Variants in MMP2 observed in about 807,000 individuals in gnomAD.
MMP2 encodes matrix metallopeptidase 2, also known as 72 kDa type IV collagenase.
MMP2 carries 39 observed loss-of-function variants against 74.8 expected under a neutral mutation model. The ratio of observed to expected loss-of-function variants is 0.52; its 90% confidence interval spans 0.40 to 0.68. The LOEUF is 0.68. Ranked by LOEUF, MMP2 falls within the 30% of genes least tolerant of loss-of-function variation. MMP2 has a pLI of 0.00. For synonymous variants in MMP2, 367 were observed against 339.8 expected (o/e 1.08, Z -0.88); for missense variants, 803 against 878.3 (o/e 0.91, Z 1.08).
chr16:55,502,980 G>A, intron 12 of MMP2, 92 bp downstream of exon 12: 1 of 1,043,708 alleles, frequency 9.6e-7, no homozygotes, highest in South Asian at 1.3e-5. Flanking sequence ...TTATTGTGCA[G>A]GGCAGGCAGG....
At chr16:55,488,895 A>G (rs1237779252) in intron 6 of MMP2, 179 bp downstream of exon 6, 6 of 691,236 alleles carry the variant, frequency 8.7e-6, no homozygotes, top group Non-Finnish European at 1.5e-5. Flanking sequence ...GTCACCTGGT[A>G]TGGCCTGGGC....
intron 1 of MMP2, chr16:55,481,863 G>A: frequency 1.3e-6 from 1 of 764,378 alleles, no homozygotes; most frequent in Non-Finnish European, 2.4e-6. Context: ...AATCTTAGGT[G>A]CTTACCTAGC....
intron 11 of MMP2, among the ~76,000 whole-genome samples, chr16:55,499,605 G>A (rs1282538403): frequency 9.2e-5 from 14 of 152,290 alleles, no homozygotes; most frequent in Middle Eastern, 3.4e-3. Context: ...ATCCAGGAGT[G>A]GCTGGTGAGA....
chr16:55,479,374 G>C lies in MMP2; in HGVS notation c.-106G>C, dbSNP rs534974582. The C allele has an allele frequency of 1.0e-5, 13 of 1,277,302 alleles. No individual in the cohort carries two copies. Among genetic ancestry groups the C allele is most frequent in the Middle Eastern group, 2.9e-4 (1 of 3,480 alleles). 79.1% of individuals were successfully genotyped at this position (1,277,302 alleles called of 1,614,324 possible). On this transcript the variant is annotated 5_prime_UTR_variant, in exon 1 of 13. Transcript: ENST00000219070. ...CAGGCCACCGAGCCAGCGGACCCTC[G>C]GAGCGCAGCCCTGCGCCGCGGAGCA...
chr16:55,490,534 T>C (rs1386395536), intron 7 of MMP2, among the ~76,000 whole-genome samples: 10 of 152,168 alleles, frequency 6.6e-5, no homozygotes, highest in African/African-American at 2.2e-4. Context: ...AGCAGGGTGC[T>C]TGGGGCCCTG....
In MMP2 at chr16:55,485,651, C is replaced by T; in HGVS notation, c.706C>T (p.Pro236Ser). The T allele has an allele frequency of 6.2e-7, 1 of 1,614,142 alleles. No homozygotes were observed. The highest frequency in any genetic ancestry group is 8.5e-7 in the Non-Finnish European group (1 of 1,180,026). ...CGCCGATGGGGAGTACTGCAAGTTCCCCTTCTTGTTCAATGGCAAGGAGTA... is the reference window on the plus strand; with the variant it reads ...CGCCGATGGGGAGTACTGCAAGTTCTCCTTCTTGTTCAATGGCAAGGAGTA... ...GNADGEYCKFPFLFNGKEYNS... is the reference protein window; with the variant it reads ...GNADGEYCKFSFLFNGKEYNS... Residue 236 changes from proline to serine, a missense_variant, in exon 5 of 13, where the codon CCC (proline) becomes TCC (serine). Physicochemically the swap from Pro to Ser is moderately conservative, Grantham distance 74. Around this residue, in one of 3 missense-constraint regions of MMP2, gnomAD observed 555 missense variants for 592.0 expected, o/e 0.94. Transcript: ENST00000219070.
In MMP2 at chr16:55,497,079, C is replaced by T. The variant is rs1330412622; in HGVS notation, c.1609+17C>T. The T allele has an allele frequency of 2.5e-6, 4 of 1,613,846 alleles. No individual in the cohort carries two copies. Among genetic ancestry groups the T allele is most frequent in the Non-Finnish European group, 3.4e-6 (4 of 1,180,002 alleles). ...TCTTTGCAGGTGTGTGGGAAGCACC[C>T]TTCCTTGGCCCTCAGCTCCACAGGG... On this transcript the variant is annotated intron_variant, in intron 10 of 12. Coordinates refer to ENST00000219070, the MANE Select transcript of MMP2 (RefSeq NM_004530.6).
At chr16:55,485,503 G>C (rs1267860127) in intron 4 of MMP2, 76 bp downstream of exon 4, 2 of 1,612,914 alleles carry the variant, frequency 1.2e-6, no homozygotes, top group African/African-American at 2.7e-5. Flanking sequence ...GGACCAGAGA[G>C]GTGGGAGGGG....
chr16:55,502,999 G>T (rs748986351), intron 12 of MMP2, 111 bp downstream of exon 12: 2 of 873,946 alleles, frequency 2.3e-6, no homozygotes, highest in African/African-American at 1.7e-5. Context: ...GGCAGGCGGC[G>T]CCCAGGAAAA....
In MMP2 at chr16:55,488,564, A is replaced by G. The variant is rs1454136853; in HGVS notation, c.854A>G (p.Asn285Ser). The change falls in exon 6 of 13, where the codon AAC becomes AGC. Residue 285 changes from asparagine to serine, a missense_variant. Asn to Ser is a conservative substitution (Grantham distance 46, BLOSUM62 1). This residue lies in a region of MMP2 where 555 missense variants were observed against 592.0 expected (regional missense o/e 0.94). Transcript: ENST00000219070. ...TTAGCCCTGTTCACCATGGGCGGCA[A>G]CGCTGAAGGACAGCCCTGCAAGTTT... ...PHEALFTMGG[N>S]AEGQPCKFPF... is the part of the protein sequence containing the mutation. 15 of 1,613,784 alleles carry G rather than the reference A, an allele frequency of 9.3e-6. No homozygotes were observed. Among genetic ancestry groups the G allele is most frequent in the Middle Eastern group, 1.6e-4 (1 of 6,084 alleles).
At chr16:55,484,640 G>A (rs986483423) in intron 3 of MMP2, among the ~76,000 whole-genome samples, 7 of 152,204 alleles carry the variant, frequency 4.6e-5, no homozygotes, top group Admixed American at 1.3e-4. Context: ...CTGAGGAACT[G>A]TAGATATATG....
intron 5 of MMP2, 174 bp from the exon 6 acceptor site, chr16:55,488,369 G>C (rs999880770): frequency 1.5e-6 from 1 of 669,094 alleles, no homozygotes; most frequent in African/African-American, 1.8e-5. Flanking sequence ...GGAAGCAGGG[G>C]TTCTCTCTGG....
At chr16:55,498,522 G>C in intron 11 of MMP2, 74 bp downstream of exon 11, 1 of 1,599,754 alleles carries the variant, frequency 6.3e-7, no homozygotes, top group Non-Finnish European at 8.6e-7. Context: ...GAGGCTTCAA[G>C]CCTCCTGGGC....
At chr16:55,488,122 A>T (rs1182157804) in intron 5 of MMP2, 14 of 240,560 alleles carry the variant, frequency 5.8e-5, no homozygotes, top group African/African-American at 3.2e-4. Context: ...CCTAGCCTTG[A>T]TTTCTCCACC....
In MMP2 at chr16:55,502,759, C is replaced by T. The variant is rs762041924; in HGVS notation, c.1770-20C>T. The T allele has an allele frequency of 1.0e-5, 16 of 1,602,002 alleles. No individual in the cohort carries two copies. The highest frequency in any genetic ancestry group is 6.6e-5 in the South Asian group (6 of 90,880). On this transcript the variant is annotated intron_variant, in intron 11 of 12. Coordinates refer to ENST00000219070, the MANE Select transcript of MMP2 (RefSeq NM_004530.6). The stretch of plus-strand genomic sequence containing the variant: ...CCTTTAGAGAGGCCCTGCTGGTTCA[C>T]TGTGTCTGTTTCTTTACAGATACAA...
At chr16:55,489,585 T>C in intron 6 of MMP2, 66 bp from the exon 7 acceptor site, 1 of 1,591,278 alleles carries the variant, frequency 6.3e-7, no homozygotes, top group South Asian at 1.1e-5. Context: ...CAGCGTCATG[T>C]CATTGCTTCC....
At chr16:55,482,545 G>C (rs1482679706) in intron 1 of MMP2, among the ~76,000 whole-genome samples, 1 of 152,212 alleles carries the variant, frequency 6.6e-6, no homozygotes, top group East Asian at 1.9e-4. Flanking sequence ...TCGTAAGCAA[G>C]TTTCTTAACC....
At chr16:55,483,974 T>A (rs1384899765) in intron 2 of MMP2, 42 bp from the exon 3 acceptor site, 1 of 1,606,188 alleles carries the variant, frequency 6.2e-7, no homozygotes, top group Non-Finnish European at 8.5e-7. Flanking sequence ...CATACACTTA[T>A]GCACATGCAT....
At chr16:55,496,725 GGATGTTTCTCA>G (rs1266769507) in intron 9 of MMP2, among the ~76,000 whole-genome samples, 190 bp from the exon 10 acceptor site, 1 of 152,198 alleles carries the variant, frequency 6.6e-6, no homozygotes, top group Non-Finnish European at 1.5e-5. Flanking sequence ...CAGGGTAGGA[GGATGTTTCTCA>G]GCTCCAGCAG....
Sources: gnomAD v4.1 joint callset for allele counts (sites outside exome capture counted in the v4.1 genomes callset) on GRCh38, gnomAD v4.1.1 for gene constraint, gnomAD v4.1.1 regional missense constraint, MANE v1.5 for transcripts, NCBI Gene and HGNC (gene_info 2026-07-23, HGNC 2026-07-21) for gene names.